The following ADAMTS6 variants were observed in gnomAD, a reference collection of about 807,000 sequenced individuals.
The protein encoded by ADAMTS6 is A disintegrin and metalloproteinase with thrombospondin motifs 6.
In ADAMTS6, 23 loss-of-function variants were observed where a neutral mutation model predicts 144.3. The ratio of observed to expected loss-of-function variants is 0.16; its 90% CI spans 0.11 to 0.23. ADAMTS6 has a LOEUF of 0.23. Among genes scored for constraint, ADAMTS6 ranks in the 10% least tolerant of loss-of-function variants. The pLI is 1.00. For missense variants in ADAMTS6, 999 were observed against 1,379.6 expected (o/e 0.72, Z 4.37); for synonymous variants, 444 against 457.5 (o/e 0.97, Z 0.38).
At chr5:65,407,893 A>T (rs990707920) in intron 7 of ADAMTS6, among the ~76,000 whole-genome samples, 3 of 152,186 alleles carry the variant, frequency 2.0e-5, no homozygotes, top group African/African-American at 7.2e-5. Flanking sequence ...TATCCAGCCA[A>T]ACTAAGCTTC....
chr5:65,453,282 T>C (rs1041975382), intron 4 of ADAMTS6, among the ~76,000 whole-genome samples: 5 of 152,200 alleles, frequency 3.3e-5, no homozygotes, highest in Admixed American at 3.3e-4. Flanking sequence ...ATCTAGAGTA[T>C]GAACTTTTCA....
chr5:65,356,560 C>G (rs1442924929), intron 7 of ADAMTS6, among the ~76,000 whole-genome samples: 2 of 151,902 alleles, frequency 1.3e-5, no homozygotes, highest in East Asian at 3.8e-4. Flanking sequence ...TCCAAAGAGC[C>G]ATGCTTTTCA....
chr5:65,194,627 A>G (rs1388559794), intron 21 of ADAMTS6, among the ~76,000 whole-genome samples: 1 of 152,252 alleles, frequency 6.6e-6, no homozygotes, highest in Non-Finnish European at 1.5e-5. Context: ...TCTGAATTCA[A>G]AAGACTAAAG....
At chr5:65,158,924 C>A (rs1268765094) in intron 24 of ADAMTS6, among the ~76,000 whole-genome samples, 1 of 152,104 alleles carries the variant, frequency 6.6e-6, no homozygotes, top group Non-Finnish European at 1.5e-5. Flanking sequence ...CAATCTCTCT[C>A]AATTTATTTT....
chr5:65,448,256 C>G (rs149617147), intron 7 of ADAMTS6, among the ~76,000 whole-genome samples: 1 of 151,876 alleles, frequency 6.6e-6, no homozygotes, highest in African/African-American at 2.4e-5. Flanking sequence ...GATAGCTTTG[C>G]GGATCACAGT....
chr5:65,216,186 A>G (rs983925394), intron 18 of ADAMTS6, among the ~76,000 whole-genome samples: 4 of 152,196 alleles, frequency 2.6e-5, no homozygotes, highest in African/African-American at 9.6e-5. Flanking sequence ...AAACAACACA[A>G]ATGTTCATCA....
chr5:65,360,716 G>A (rs893897556), intron 7 of ADAMTS6, among the ~76,000 whole-genome samples: 1 of 152,112 alleles, frequency 6.6e-6, no homozygotes, highest in African/African-American at 2.4e-5. Flanking sequence ...CATTCACACG[G>A]TGGGAATTGA....
intron 3 of ADAMTS6, among the ~76,000 whole-genome samples, chr5:65,464,271 T>G (rs1759835534): frequency 6.6e-6 from 1 of 152,178 alleles, no homozygotes; most frequent in Admixed American, 6.5e-5. Context: ...GGATTATAAA[T>G]AAAACCAATT....
At chr5:65,298,462 T>G (rs1477511830) in intron 10 of ADAMTS6, among the ~76,000 whole-genome samples, 1 of 152,172 alleles carries the variant, frequency 6.6e-6, no homozygotes, top group Non-Finnish European at 1.5e-5. Flanking sequence ...CAGATCTGAC[T>G]TGATGTCTAG....
chr5:65,195,852 G>A (rs749006276), intron 21 of ADAMTS6, among the ~76,000 whole-genome samples: 2 of 152,186 alleles, frequency 1.3e-5, no homozygotes, highest in Non-Finnish European at 2.9e-5. Flanking sequence ...AGAATGAAAT[G>A]CCAATCACAC....
chr5:65,334,699 T>C (rs1241285441), intron 7 of ADAMTS6, among the ~76,000 whole-genome samples: 2 of 152,170 alleles, frequency 1.3e-5, no homozygotes, highest in Non-Finnish European at 2.9e-5. Context: ...AATCTGTCAA[T>C]AGAAACCTTC....
chr5:65,230,890 A>G (rs542446507), intron 15 of ADAMTS6, among the ~76,000 whole-genome samples: 10 of 145,564 alleles, frequency 6.9e-5, no homozygotes, highest in Non-Finnish European at 1.4e-4. Context: ...AATATATATA[A>G]AATACATATA....
At chr5:65,157,184 A>T (rs1752477980) in intron 24 of ADAMTS6, among the ~76,000 whole-genome samples, 1 of 152,230 alleles carries the variant, frequency 6.6e-6, no homozygotes, top group South Asian at 2.1e-4. Context: ...GTTTTGGTAG[A>T]GTTGAATGAT....
At chr5:65,185,703 C>T (rs1458708475) in intron 22 of ADAMTS6, among the ~76,000 whole-genome samples, 2 of 152,172 alleles carry the variant, frequency 1.3e-5, no homozygotes, top group Non-Finnish European at 2.9e-5. Context: ...GAGTGAGTCA[C>T]TTCAAAGACT....
In ADAMTS6 at chr5:65,163,276, G is replaced by A. The variant is rs547697274; in HGVS notation, c.3244+7341C>T. 5.9e-5 allele frequency among the ~76,000 whole-genome samples: 9 copies of A among 152,020 alleles called. No individual in the cohort carries two copies. The South Asian group carries it at 1.9e-3, about 32-fold the overall frequency. ...TTTTCCAAGAAAAATACTTTTGTTT[G>A]TTATGGATTTTGAGCCCTTCTCAAG... On this transcript the variant is annotated intron_variant, in intron 24 of 24. Coordinates refer to ENST00000381055, the MANE Select transcript of ADAMTS6 (RefSeq NM_197941.4).
chr5:65,448,499 CT>C (rs1758454181), intron 7 of ADAMTS6, among the ~76,000 whole-genome samples: 1 of 151,322 alleles, frequency 6.6e-6, no homozygotes, highest in Non-Finnish European at 1.5e-5. Flanking sequence ...GTCACCCAGG[CT>C]GGAGTGCAGT....
intron 7 of ADAMTS6, among the ~76,000 whole-genome samples, chr5:65,343,234 A>T (rs1274559761): frequency 2.0e-5 from 3 of 152,118 alleles, no homozygotes; most frequent in African/African-American, 7.2e-5. Context: ...CCGAATAGAC[A>T]CGGCAATCAT....
At chr5:65,460,692 C>G (rs919433264) in intron 3 of ADAMTS6, among the ~76,000 whole-genome samples, 25 of 152,304 alleles carry the variant, frequency 1.6e-4, no homozygotes, top group African/African-American at 5.8e-4. Context: ...TTAGATATAG[C>G]TTTGTGATTG....
intron 14 of ADAMTS6, among the ~76,000 whole-genome samples, chr5:65,244,883 C>T (rs1759497699): frequency 1.3e-5 from 2 of 152,082 alleles, no homozygotes; most frequent in Admixed American, 1.3e-4. Context: ...CTAGACTTGG[C>T]CCTGTCATTA....
Sources: gnomAD v4.1 joint callset for allele counts (sites outside exome capture counted in the v4.1 genomes callset) on GRCh38, gnomAD v4.1.1 for gene constraint, MANE v1.5 for transcripts, NCBI Gene and HGNC (gene_info 2026-07-23, HGNC 2026-07-21) for gene names.